Variants in DDAH1 observed in about 807,000 individuals in gnomAD.
The protein encoded by DDAH1 is dimethylarginine dimethylaminohydrolase 1.
A neutral mutation model predicts 28.8 loss-of-function variants in DDAH1; 19 were observed. The observed-to-expected ratio is 0.66, with a 90% CI of 0.46 to 0.97. The LOEUF is 0.97. Among genes scored for constraint, DDAH1 ranks in the 50% least tolerant of loss-of-function variants. The probability of loss-of-function intolerance (pLI) is 0.00; values close to 1 mark genes in which losing one functional copy is unlikely to be tolerated. For missense variants in DDAH1, 326 were observed against 375.9 expected (o/e 0.87, Z 1.10); for synonymous variants, 153 against 154.4 (o/e 0.99, Z 0.07).
intron 1 of DDAH1, among the ~76,000 whole-genome samples, chr1:85,403,109 T>A (rs1355088794): frequency 6.6e-6 from 1 of 151,764 alleles, no homozygotes; most frequent in Non-Finnish European, 1.5e-5. Context: ...TTTGATCTGG[T>A]GAGTAACAAT....
intron 1 of DDAH1, among the ~76,000 whole-genome samples, chr1:85,501,445 C>G (rs1224019120): frequency 1.3e-5 from 2 of 152,192 alleles, no homozygotes; most frequent in South Asian, 4.1e-4. Flanking sequence ...TGCCACCAGA[C>G]TTTGTAGAGT....
chr1:85,489,183 G>A (rs148071415), intron 2 of DDAH1, among the ~76,000 whole-genome samples: 3 of 152,232 alleles, frequency 2.0e-5, no homozygotes, highest in East Asian at 3.9e-4. Flanking sequence ...ACCAGAAAAG[G>A]GAAAGAACTA....
intron 1 of DDAH1, among the ~76,000 whole-genome samples, chr1:85,416,746 T>C (rs1652905109): frequency 6.6e-6 from 1 of 152,176 alleles, no homozygotes; most frequent in Non-Finnish European, 1.5e-5. Flanking sequence ...TGGCTCACTG[T>C]AACCTTTGCC....
chr1:85,433,651 G>T (rs940473990), intron 1 of DDAH1, among the ~76,000 whole-genome samples: 1 of 152,248 alleles, frequency 6.6e-6, no homozygotes, highest in South Asian at 2.1e-4. Flanking sequence ...TCAAGCTTGT[G>T]TATTTTTCTA....
chr1:85,341,362 C>T (rs1357641921), intron 4 of DDAH1, among the ~76,000 whole-genome samples: 1 of 152,174 alleles, frequency 6.6e-6, no homozygotes, highest in Non-Finnish European at 1.5e-5. Context: ...CTTTTCCTAT[C>T]AGAGTTTTAT....
chr1:85,399,006 C>T (rs1651943977), intron 1 of DDAH1: 1 of 152,146 alleles, frequency 6.6e-6, no homozygotes, highest in Non-Finnish European at 1.5e-5. Context: ...TTAACCCATT[C>T]CTGGAATGCT....
At chr1:85,390,057 TAGAA>T (rs1229797611) in intron 1 of DDAH1, among the ~76,000 whole-genome samples, 4 of 152,214 alleles carry the variant, frequency 2.6e-5, no homozygotes, top group East Asian at 1.9e-4. Flanking sequence ...AGTCAAAAGA[TAGAA>T]AGAAATATGT....
chr1:85,390,607 A>AC (rs925698623), intron 1 of DDAH1, among the ~76,000 whole-genome samples: 4 of 152,054 alleles, frequency 2.6e-5, no homozygotes, highest in African/African-American at 7.2e-5. Context: ...GGGTTGCCAC[A>AC]CCCACCCCCA....
chr1:85,328,948 T>C (rs1647589705), intron 4 of DDAH1, among the ~76,000 whole-genome samples: 1 of 152,222 alleles, frequency 6.6e-6, no homozygotes, highest in African/African-American at 2.4e-5. Context: ...CTGCAGAAGC[T>C]TCATTGTACT....
chr1:85,462,220 G>A (rs552855142), intron 1 of DDAH1, among the ~76,000 whole-genome samples: 5 of 152,178 alleles, frequency 3.3e-5, no homozygotes, highest in Non-Finnish European at 7.3e-5. Context: ...ATAGTCTGGT[G>A]AGCTTCAGTG....
At chr1:85,572,739 C>T (rs1443018711) in intron 1 of DDAH1, among the ~76,000 whole-genome samples, 1 of 152,182 alleles carries the variant, frequency 6.6e-6, no homozygotes, top group Non-Finnish European at 1.5e-5. Context: ...GAGTGTACCA[C>T]TCCTGAGCTG....
chr1:85,490,365 TG>T (rs1411830342), intron 2 of DDAH1, among the ~76,000 whole-genome samples: 1 of 152,190 alleles, frequency 6.6e-6, no homozygotes. Flanking sequence ...GTCAAAACAC[TG>T]ACTCTTCACC....
chr1:85,361,580 G>GTATATAC (rs1649799893), intron 1 of DDAH1, among the ~76,000 whole-genome samples: 4 of 152,148 alleles, frequency 2.6e-5, no homozygotes, highest in African/African-American at 7.2e-5. Context: ...TTAAGCCTTA[G>GTATATAC]AGTATAAAGT....
intron 2 of DDAH1, among the ~76,000 whole-genome samples, chr1:85,478,358 A>G (rs1487773793): frequency 6.6e-6 from 1 of 152,236 alleles, no homozygotes; most frequent in East Asian, 1.9e-4. Flanking sequence ...TTGCTAATGA[A>G]GATATACCTA....
At chr1:85,519,971 C>CTTTTATGT (rs1557718402) in intron 1 of DDAH1, among the ~76,000 whole-genome samples, 1 of 87,878 alleles carries the variant, frequency 1.1e-5, no homozygotes, top group Non-Finnish European at 2.8e-5. Context: ...TTTTTTTTCC[C>CTTTTATGT]CTTTATTTAT....
chr1:85,512,871 G>A lies in DDAH1; in HGVS notation c.-122-16590C>T, dbSNP rs184938421. 2.0e-5 allele frequency among the ~76,000 whole-genome samples: 3 copies of A among 152,204 alleles called. No homozygotes were observed. The East Asian group carries it at 5.8e-4, about 29-fold the overall frequency. ...AAAGAGGACACCAACAAATGGAAGA[G>A]TATTCCATGATCATGGATAGGAAGA... is the stretch of plus-strand genomic sequence containing the variant. On this transcript the variant is annotated intron_variant, in intron 1 of 6. Transcript: ENST00000426972.
At chr1:85,350,687 T>C (rs1649148020) in intron 3 of DDAH1, among the ~76,000 whole-genome samples, 153 bp from the exon 4 acceptor site, 1 of 152,242 alleles carries the variant, frequency 6.6e-6, no homozygotes, top group Non-Finnish European at 1.5e-5. Flanking sequence ...TGGATATTGC[T>C]AGTTAAACGA....
At position 85,428,611 on chromosome 1, in the gene DDAH1, C is replaced by A. The variant is rs143943449; in HGVS notation, c.303+36132G>T. On this transcript the variant is annotated intron_variant, in intron 1 of 5. Transcript: ENST00000284031. ...TACTTAACAAGGGTAAGGTTGTTGC[C>A]AAGGTCAGAGAACTGATATCTGAGA... Among the ~76,000 whole-genome samples the A allele has an allele frequency of 2.8e-3, 426 of 152,194 alleles. 3 individuals carry two copies. The highest frequency in any genetic ancestry group is 9.8e-3 in the African/African-American group (409 of 41,540).
chr1:85,401,822 C>A (rs569826487), intron 1 of DDAH1, among the ~76,000 whole-genome samples: 4 of 151,918 alleles, frequency 2.6e-5, no homozygotes, highest in Admixed American at 6.6e-5. Context: ...CTTTTGAGCT[C>A]TTAAAATTCC....
Sources: allele counts gnomAD v4.1 joint callset (sites outside exome capture counted in the v4.1 genomes callset), GRCh38; gene constraint gnomAD v4.1.1; transcripts MANE v1.5; gene names NCBI Gene and HGNC (gene_info 2026-07-23, HGNC 2026-07-21).